The following NAA15 variants were observed in gnomAD, a reference collection of about 807,000 sequenced individuals.
NAA15 encodes N-terminal acetyltransferase.
A neutral mutation model predicts 114.0 loss-of-function variants in NAA15; 34 were observed. The ratio of observed to expected loss-of-function variants is 0.30; its 90% confidence interval spans 0.23 to 0.40. The LOEUF is 0.40. Among genes scored for constraint, NAA15 ranks in the 10% least tolerant of loss-of-function variants. The probability of loss-of-function intolerance (pLI) is 1.00; values close to 1 mark genes in which losing one functional copy is unlikely to be tolerated. For missense variants in NAA15, 658 were observed against 1,004.5 expected, an observed-to-expected ratio of 0.66 and a Z score of 4.66; for synonymous variants, 340 against 338.0, an observed-to-expected ratio of 1.01 and a Z score of -0.06.
chr4:139,303,166 T>TCACA (rs1745871299), intron 1 of NAA15, among the ~76,000 whole-genome samples: 1 of 152,236 alleles, frequency 6.6e-6, no homozygotes, highest in Admixed American at 6.5e-5. Context: ...ACATGCAGTG[T>TCACA]CGCAAAACTG....
At position 139,328,547 on chromosome 4, in the gene NAA15, CTTTTCT is replaced by C. The variant is rs1398467945; in HGVS notation, c.55-5612_55-5607del. ...TTCTGTATTTTCTTTTTTCCTTTTCCTTTTCTTTTTCTTTTTCTTTCTTTTCTTTTT... is the reference window on the plus strand; with the variant it reads ...TTCTGTATTTTCTTTTTTCCTTTTCCTTTTCTTTTTCTTTCTTTTCTTTTT... On this transcript the variant is annotated intron_variant, in intron 1 of 19. Transcript: ENST00000296543. Among the ~76,000 whole-genome samples, 46 of 149,496 alleles carry C rather than the reference CTTTTCT, an allele frequency of 3.1e-4. No homozygotes were observed. The South Asian group carries it at 5.1e-3, about 17-fold the overall frequency.
chr4:139,325,711 C>T (rs781432378), intron 1 of NAA15, among the ~76,000 whole-genome samples: 2 of 152,130 alleles, frequency 1.3e-5, no homozygotes, highest in Admixed American at 6.6e-5. Context: ...TGCAGTGTTA[C>T]CATCACGGCT....
chr4:139,317,480 G>A (rs1393980215), intron 1 of NAA15, among the ~76,000 whole-genome samples: 1 of 152,164 alleles, frequency 6.6e-6, no homozygotes, highest in African/African-American at 2.4e-5. Context: ...AATTAGCTGG[G>A]CATGGTGGCA....
At chr4:139,383,719 C>A (rs1317494283) in intron 17 of NAA15, among the ~76,000 whole-genome samples, 4 of 152,194 alleles carry the variant, frequency 2.6e-5, no homozygotes, top group Non-Finnish European at 5.9e-5. Context: ...GATCCACCCG[C>A]CTTGGCCTCC....
Position 139,310,807 on chromosome 4 carries a change from C to CG in NAA15, c.54+8980dup, listed in dbSNP as rs553013203. On this transcript the variant is annotated intron_variant, in intron 1 of 19. Transcript: ENST00000296543. ...CTAATTTTTGTATTTTTAGTACAGG[C>CG]GGGGTTTCACCATGTTGGCCAGGCT... is the stretch of plus-strand genomic sequence containing the variant. Among the ~76,000 whole-genome samples the CG allele has an allele frequency of 3.2e-4, 48 of 151,678 alleles. 1 individual carries two copies. The South Asian group carries it at 9.8e-3, about 31-fold the overall frequency.
chr4:139,304,762 T>C (rs1267574939), intron 1 of NAA15, among the ~76,000 whole-genome samples: 1 of 152,192 alleles, frequency 6.6e-6, no homozygotes, highest in Non-Finnish European at 1.5e-5. Flanking sequence ...CCACTACAAT[T>C]AGGCTACAGA....
chr4:139,301,832 G>C lies in NAA15; in HGVS notation c.54+1G>C. 1 of 1,592,486 alleles carries C rather than the reference G, an allele frequency of 6.3e-7. No homozygotes were observed. The highest frequency in any genetic ancestry group is 8.6e-7 in the Non-Finnish European group (1 of 1,169,252). On this transcript the variant is annotated splice_donor_variant, in intron 1 of 19. Coordinates refer to ENST00000296543, the MANE Select transcript of NAA15 (RefSeq NM_057175.5). LOFTEE classifies it high-confidence loss of function. ...GAATGCGCTCTTCAAGCGGATCTTG[G>C]TAAGTGTGAGGCTCCGGGCAAGCGG...
intron 14 of NAA15, among the ~76,000 whole-genome samples, chr4:139,364,136 A>G (rs553345941): frequency 4.6e-5 from 7 of 152,364 alleles, no homozygotes; most frequent in African/African-American, 1.7e-4. Flanking sequence ...TTGGTCTCCC[A>G]AATTGTTGGG....
intron 17 of NAA15, among the ~76,000 whole-genome samples, chr4:139,379,846 C>A (rs1209711416): frequency 1.3e-5 from 2 of 152,068 alleles, no homozygotes; most frequent in Non-Finnish European, 2.9e-5. Flanking sequence ...GAGTTCGAGA[C>A]CAGCCTGGCT....
chr4:139,324,736 G>C (rs1327940503), intron 1 of NAA15, among the ~76,000 whole-genome samples: 1 of 152,206 alleles, frequency 6.6e-6, no homozygotes, highest in Non-Finnish European at 1.5e-5. Context: ...TTCAAGACCA[G>C]CCTGGCCAAC....
intron 1 of NAA15, among the ~76,000 whole-genome samples, chr4:139,323,001 A>G (rs1403953485): frequency 6.9e-6 from 1 of 143,910 alleles, no homozygotes; most frequent in Non-Finnish European, 1.5e-5. Flanking sequence ...TCAGCTTAGT[A>G]TTTGACGGAG....
rs1749040814 is a variant in NAA15 at position 139,390,820 on chromosome 4, G to C, written c.*2736G>C. ...AAGGTAATGCCAATATTAGTGAATA[G>C]CTTTGCTGTGGGCTTTATCAGGCCC... On this transcript the variant is annotated 3_prime_UTR_variant, in exon 20 of 20. Coordinates refer to ENST00000296543, the MANE Select transcript of NAA15 (RefSeq NM_057175.5). 6.6e-6 allele frequency: 1 copy of C among 152,168 alleles called. No individual in the cohort carries two copies. Among genetic ancestry groups the C allele is most frequent in the South Asian group, 2.1e-4 (1 of 4,832 alleles). 9.4% of individuals were successfully genotyped at this position (152,168 alleles called of 1,614,324 possible).
chr4:139,322,910 C>G (rs143578089), intron 1 of NAA15, among the ~76,000 whole-genome samples: 3 of 151,968 alleles, frequency 2.0e-5, no homozygotes, highest in Non-Finnish European at 4.4e-5. Flanking sequence ...AGGTTGGTCT[C>G]GAACTCCTGA....
chr4:139,309,019 A>G (rs1449370032), intron 1 of NAA15, among the ~76,000 whole-genome samples: 2 of 152,210 alleles, frequency 1.3e-5, no homozygotes, highest in African/African-American at 2.4e-5. Context: ...TGTGTATATA[A>G]TTATTATAAA....
At chr4:139,382,569 A>G (rs1442650488) in intron 17 of NAA15, among the ~76,000 whole-genome samples, 1 of 152,158 alleles carries the variant, frequency 6.6e-6, no homozygotes. Context: ...AATAATTTTT[A>G]TTGTACAGAA....
At chr4:139,307,777 C>A (rs1401389543) in intron 1 of NAA15, among the ~76,000 whole-genome samples, 1 of 152,066 alleles carries the variant, frequency 6.6e-6, no homozygotes, top group Admixed American at 6.6e-5. Flanking sequence ...AGATTAAGGT[C>A]AACAGCTAGT....
At chr4:139,315,013 T>TCAGTTCAGTTCAGTTCAGTTCAGTTC (rs1560952827) in intron 1 of NAA15, among the ~76,000 whole-genome samples, 2 of 131,954 alleles carry the variant, frequency 1.5e-5, no homozygotes, top group African/African-American at 5.8e-5. Context: ...TAGTTTAGGT[T>TCAGTTCAGTTCAGTTCAGTTCAGTTC]AGGTTAGGTT....
chr4:139,384,790 C>G (rs753537718), intron 17 of NAA15, 42 bp from the exon 18 acceptor site: 12 of 1,257,868 alleles, frequency 9.5e-6, no homozygotes, highest in Non-Finnish European at 9.4e-6. Context: ...TAAACTTTAT[C>G]AGAGTATTCA....
chr4:139,366,682 C>T (rs1477319996), intron 14 of NAA15, among the ~76,000 whole-genome samples: 1 of 151,206 alleles, frequency 6.6e-6, no homozygotes, highest in Non-Finnish European at 1.5e-5. Context: ...AGTCATAGCT[C>T]ATTGCAGCCT....
Sources: gnomAD v4.1 joint callset for allele counts (sites outside exome capture counted in the v4.1 genomes callset) on GRCh38, gnomAD v4.1.1 for gene constraint, MANE v1.5 for transcripts, NCBI Gene and HGNC (gene_info 2026-07-23, HGNC 2026-07-21) for gene names.